The following FRMPD4 variants were observed in gnomAD, a reference collection of about 807,000 sequenced individuals.
FRMPD4 encodes the protein FERM and PDZ domain containing 4, also known as FERM and PDZ domain-containing protein 4.
FRMPD4 carries 22 observed loss-of-function variants against 94.1 expected under a neutral mutation model. The ratio of observed to expected loss-of-function variants is 0.23; its 90% CI spans 0.17 to 0.33. The LOEUF (loss-of-function observed/expected upper bound fraction) is 0.33, where lower values mean the gene tolerates loss of function less well. FRMPD4 is among the 10% of genes least tolerant of loss of function. The pLI is 1.00. For synonymous variants in FRMPD4, 631 were observed against 548.6 expected (o/e 1.15, Z -2.10); for missense variants, 1,111 against 1,339.9 (o/e 0.83, Z 2.67).
intron 3 of FRMPD4, among the ~76,000 whole-genome samples, chrX:11,964,196 G>A (rs1314997252): frequency 9.1e-6 from 1 of 109,792 alleles, no homozygotes; most frequent in Non-Finnish European, 1.9e-5. Flanking sequence ...GTCTCACTCT[G>A]TCGCCCAGGT....
At chrX:12,582,312 T>G (rs2058874495) in intron 2 of FRMPD4, among the ~76,000 whole-genome samples, 1 of 112,055 alleles carries the variant, frequency 8.9e-6, no homozygotes, top group Non-Finnish European at 1.9e-5. Context: ...ATGAAAATAG[T>G]CTTCCAGTTT....
At chrX:12,528,337 T>C (rs1569317180) in intron 2 of FRMPD4, among the ~76,000 whole-genome samples, 1 of 87,240 alleles carries the variant, frequency 1.1e-5, no homozygotes, top group East Asian at 3.3e-4. Context: ...TTTTTTTTTT[T>C]GGAGACAGAG....
chrX:12,305,939 C>T (rs1355659781), intron 1 of FRMPD4, among the ~76,000 whole-genome samples: 1 of 106,972 alleles, frequency 9.3e-6, no homozygotes, highest in Non-Finnish European at 1.9e-5. Flanking sequence ...CTTTGACAGC[C>T]GTGTCTCATG....
chrX:11,825,584 CAA>C (rs1212557241), intron 1 of FRMPD4, among the ~76,000 whole-genome samples: 2 of 106,019 alleles, frequency 1.9e-5, no homozygotes, highest in Non-Finnish European at 3.8e-5. Flanking sequence ...AAAATAATAA[CAA>C]TATGTATCCT....
chrX:11,862,716 C>G (rs373547410), intron 1 of FRMPD4, among the ~76,000 whole-genome samples: 5 of 111,186 alleles, frequency 4.5e-5, no homozygotes, highest in African/African-American at 1.6e-4. Context: ...TTTTGCTGAA[C>G]CTTCCTTAGA....
intron 3 of FRMPD4, among the ~76,000 whole-genome samples, chrX:11,953,854 G>A (rs2054240013): frequency 9.0e-6 from 1 of 111,714 alleles, no homozygotes; most frequent in South Asian, 3.8e-4. Flanking sequence ...ATCATTTGTG[G>A]CAATGAATGG....
intron 3 of FRMPD4, among the ~76,000 whole-genome samples, chrX:12,022,663 C>T (rs2054637912): frequency 1.8e-5 from 2 of 111,774 alleles, no homozygotes; most frequent in South Asian, 3.8e-4. Context: ...GTGCTGATGC[C>T]TCTAATCACA....
At chrX:12,301,224 G>T (rs1234072946) in intron 1 of FRMPD4, among the ~76,000 whole-genome samples, 1 of 111,816 alleles carries the variant, frequency 8.9e-6, no homozygotes, top group Non-Finnish European at 1.9e-5. Context: ...CGTAGCACCA[G>T]TCTCTCCCAT....
intron 2 of FRMPD4, among the ~76,000 whole-genome samples, chrX:12,600,816 T>C (rs943476086): frequency 7.1e-5 from 8 of 112,279 alleles, no homozygotes; most frequent in African/African-American, 2.3e-4. Flanking sequence ...ATCATAGGAT[T>C]CTAAGAATTG....
intron 1 of FRMPD4, among the ~76,000 whole-genome samples, chrX:12,248,860 G>A (rs753209168): frequency 9.8e-5 from 11 of 111,983 alleles, no homozygotes; most frequent in East Asian, 8.5e-4. Flanking sequence ...CCAACATGGC[G>A]AAACCCCGTC....
At chrX:12,494,471 A>T (rs1456957906) in intron 1 of FRMPD4, among the ~76,000 whole-genome samples, 1 of 112,113 alleles carries the variant, frequency 8.9e-6, no homozygotes, top group Non-Finnish European at 1.9e-5. Context: ...TCACAAATCT[A>T]GTAAGTGGCA....
intron 3 of FRMPD4, among the ~76,000 whole-genome samples, chrX:11,893,732 C>T (rs965230035): frequency 1.8e-5 from 2 of 111,280 alleles, no homozygotes; most frequent in Non-Finnish European, 3.8e-5. Flanking sequence ...TCTGTGATGG[C>T]CTTGGATGTA....
intron 2 of FRMPD4, among the ~76,000 whole-genome samples, chrX:12,511,528 A>C (rs974671047): frequency 9.0e-6 from 1 of 111,348 alleles, no homozygotes; most frequent in Non-Finnish European, 1.9e-5. Flanking sequence ...TTTCAACAGA[A>C]GACTGGATTT....
intron 4 of FRMPD4, among the ~76,000 whole-genome samples, chrX:12,616,925 A>T (rs924538147): frequency 2.7e-5 from 3 of 112,611 alleles, no homozygotes; most frequent in African/African-American, 9.7e-5. Flanking sequence ...ATCTGTGTTT[A>T]GGTTGGCTGT....
rs2055641081 is a variant in FRMPD4, at chrX:12,138,805, C to T, written c.-167C>T. The T allele has an allele frequency of 1.1e-5, 4 of 371,437 alleles. No homozygotes were observed. Among genetic ancestry groups the T allele is most frequent in the Non-Finnish European group, 9.1e-6 (2 of 220,895 alleles). 30.6% of individuals were successfully genotyped at this position (371,437 alleles called of 1,213,427 possible). On this transcript the variant is annotated 5_prime_UTR_variant, in exon 1 of 17. Coordinates refer to ENST00000675598, the MANE Select transcript of FRMPD4 (RefSeq NM_001368397.1). ...CTCGCGGCCGGAGGGGGGTAGCAGC[C>T]GCCGCCTCCAGGTGCAGGTTCTCTC...
intron 1 of FRMPD4, among the ~76,000 whole-genome samples, chrX:12,177,663 A>G (rs1381981027): frequency 8.9e-6 from 1 of 112,316 alleles, no homozygotes; most frequent in Non-Finnish European, 1.9e-5. Context: ...TGTGCTGTCT[A>G]TGGTGATTGC....
intron 3 of FRMPD4, among the ~76,000 whole-genome samples, chrX:12,068,002 C>T (rs1161805116): frequency 9.0e-6 from 1 of 111,579 alleles, no homozygotes; most frequent in Non-Finnish European, 1.9e-5. Flanking sequence ...TCTGGATGGA[C>T]TCCATGTCAT....
chrX:12,362,799 T>C (rs1033878806), intron 1 of FRMPD4, among the ~76,000 whole-genome samples: 3 of 112,091 alleles, frequency 2.7e-5, no homozygotes, highest in Non-Finnish European at 3.8e-5. Context: ...CCACAATGGT[T>C]GAACTAGTTT....
intron 2 of FRMPD4, among the ~76,000 whole-genome samples, chrX:12,606,037 T>A (rs1260177753): frequency 1.2e-4 from 13 of 111,847 alleles, no homozygotes; most frequent in African/African-American, 4.2e-4. Context: ...CATTGTGGAG[T>A]TGTTTTGGAG....
Sources: gnomAD v4.1 joint callset for allele counts (sites outside exome capture counted in the v4.1 genomes callset) on GRCh38, gnomAD v4.1.1 for gene constraint, MANE v1.5 for transcripts, NCBI Gene and HGNC (gene_info 2026-07-23, HGNC 2026-07-21) for gene names.